The following PPP1R12A variants were observed in gnomAD, a reference collection of about 807,000 sequenced individuals.
PPP1R12A encodes the protein myosin binding subunit.
Under a neutral mutation model 139.6 loss-of-function variants are expected in PPP1R12A, and 19 were observed. The ratio of observed to expected loss-of-function variants is 0.14; its 90% CI spans 0.09 to 0.20. The LOEUF is 0.20. Ranked by LOEUF, PPP1R12A falls within the 10% of genes least tolerant of loss-of-function variation. PPP1R12A has a pLI of 1.00. For missense variants in PPP1R12A, 925 were observed against 1,211.5 expected, an observed-to-expected ratio of 0.76 and a Z score of 3.51; for synonymous variants, 427 against 420.6, an observed-to-expected ratio of 1.02 and a Z score of -0.19.
chr12:79,777,219 T>C lies in PPP1R12A; in HGVS notation c.3007-1204A>G, dbSNP rs369482244. ...CTCTCTAGTAAAGAACTGTAAATAA[T>C]AGTCATATTTTAAGTCCTAAAATAT... On this transcript the variant is annotated intron_variant, in intron 24 of 24. Coordinates refer to ENST00000450142, the MANE Select transcript of PPP1R12A (RefSeq NM_002480.3). 11 of 926,300 alleles carry C rather than the reference T, an allele frequency of 1.2e-5. No homozygotes were observed. In the African/African-American group the frequency reaches 1.3e-4, roughly 11 times the overall value. The allele number at this position is 926,300 out of a possible 1,614,324, so 57.4% of individuals were successfully genotyped here.
intron 2 of PPP1R12A, among the ~76,000 whole-genome samples, chr12:79,863,123 C>T (rs1359494044): frequency 6.6e-6 from 1 of 152,142 alleles, no homozygotes; most frequent in African/African-American, 2.4e-5. Flanking sequence ...GATCTCTTGG[C>T]AGAAACCCTA....
intron 3 of PPP1R12A, among the ~76,000 whole-genome samples, chr12:79,833,945 T>C (rs1877772997): frequency 1.3e-5 from 2 of 151,188 alleles, no homozygotes; most frequent in African/African-American, 4.9e-5. Context: ...CACACACACA[T>C]TTCCTCAGCT....
intron 23 of PPP1R12A, chr12:79,779,017 C>G (rs1870087971): frequency 4.1e-6 from 1 of 244,974 alleles, no homozygotes. Context: ...TTTGCAATTT[C>G]AGAGGAATGT....
intron 9 of PPP1R12A, among the ~76,000 whole-genome samples, chr12:79,815,605 A>T (rs1463481675): frequency 6.6e-6 from 1 of 152,218 alleles, no homozygotes; most frequent in Non-Finnish European, 1.5e-5. Flanking sequence ...TAGTCTAAAC[A>T]GATCAAAAGA....
At chr12:79,895,319 C>T (rs1885033615) in intron 1 of PPP1R12A, among the ~76,000 whole-genome samples, 1 of 151,382 alleles carries the variant, frequency 6.6e-6, no homozygotes, top group Non-Finnish European at 1.5e-5. Context: ...TTTCAGGGTT[C>T]CTGGAAAAAA....
chr12:79,824,160 C>T (rs543578917), intron 5 of PPP1R12A, among the ~76,000 whole-genome samples: 1 of 152,288 alleles, frequency 6.6e-6, no homozygotes, highest in African/African-American at 2.4e-5. Context: ...AATCAAATAA[C>T]TGGCTCAAAA....
chr12:79,873,802 C>A (rs980632821), intron 1 of PPP1R12A, among the ~76,000 whole-genome samples: 2 of 152,122 alleles, frequency 1.3e-5, no homozygotes, highest in Non-Finnish European at 1.5e-5. Context: ...TGTTAAAGCA[C>A]CTCTTCCAAG....
intron 4 of PPP1R12A, among the ~76,000 whole-genome samples, chr12:79,828,671 T>TA (rs2137141062): frequency 6.6e-6 from 1 of 152,268 alleles, no homozygotes; most frequent in South Asian, 2.1e-4. Flanking sequence ...GTCATTGCCA[T>TA]AATAATGCAG....
Position 79,775,207 on chromosome 12 carries a change from T to A in PPP1R12A, c.*722A>T, listed in dbSNP as rs1869601692. On this transcript the variant is annotated 3_prime_UTR_variant, in exon 25 of 25. Transcript: ENST00000450142. ...TGACCAATGAAGCAGAAAATAGGAATTAAAAGATCTAACCTCAAATGACTT... is the reference window on the plus strand; with the variant it reads ...TGACCAATGAAGCAGAAAATAGGAAATAAAAGATCTAACCTCAAATGACTT... 6.6e-6 allele frequency: 1 copy of A among 152,494 alleles called. No individual in the cohort carries two copies. The highest frequency in any genetic ancestry group is 1.9e-4 in the East Asian group (1 of 5,176). 9.4% of individuals were successfully genotyped at this position (152,494 alleles called of 1,614,324 possible). A position where few individuals can be genotyped will look rare whatever the true frequency, so the allele number is the denominator to read the frequency against.
intron 2 of PPP1R12A, 64 bp from the exon 3 acceptor site, chr12:79,845,484 T>A: frequency 8.5e-7 from 1 of 1,177,994 alleles, no homozygotes; most frequent in Non-Finnish European, 1.2e-6. Context: ...ACTAAATGCA[T>A]AACCAATGAG....
At chr12:79,822,657 G>T (rs1876258843) in intron 5 of PPP1R12A, among the ~76,000 whole-genome samples, 1 of 152,086 alleles carries the variant, frequency 6.6e-6, no homozygotes, top group Non-Finnish European at 1.5e-5. Context: ...TGGAATCATA[G>T]AATATATGGT....
At chr12:79,789,386 C>T (rs946232810) in intron 20 of PPP1R12A, among the ~76,000 whole-genome samples, 1 of 152,120 alleles carries the variant, frequency 6.6e-6, no homozygotes, top group East Asian at 1.9e-4. Context: ...AAATGGCTTA[C>T]AATTGATGAT....
At chr12:79,878,150 A>G (rs952734731) in intron 1 of PPP1R12A, among the ~76,000 whole-genome samples, 12 of 151,990 alleles carry the variant, frequency 7.9e-5, no homozygotes, top group African/African-American at 2.9e-4. Context: ...AATTTCACTT[A>G]ATTGTATACT....
Position 79,790,486 on chromosome 12 carries a change from GGAAA to G in PPP1R12A, c.2650-7_2650-4del, listed in dbSNP as rs774431960. 21 of 1,374,930 alleles carry G rather than the reference GGAAA, an allele frequency of 1.5e-5. No homozygotes were observed. Among genetic ancestry groups the G allele is most frequent in the African/African-American group, 4.4e-5 (3 of 67,738 alleles). The allele number at this position is 1,374,930 out of a possible 1,614,324, so 85.2% of individuals were successfully genotyped here. A position where few individuals can be genotyped will look rare whatever the true frequency, so the allele number is the denominator to read the frequency against. On this transcript the variant is annotated splice_region_variant and splice_polypyrimidine_tract_variant and intron_variant, in intron 19 of 24. Transcript: ENST00000450142. ...ACATACCTAGAAATGGAATCCGTCT[GGAAA>G]GAAAGAGAAAAACATAGGCATACTA...
At position 79,797,321 on chromosome 12, in the gene PPP1R12A, T is replaced by A. The variant is rs749084000; in HGVS notation, c.2166A>T (p.Gln722His). 14 of 1,599,558 alleles carry A rather than the reference T, an allele frequency of 8.8e-6. No homozygotes were observed. Among genetic ancestry groups the A allele is most frequent in the Admixed American group, 6.9e-5 (4 of 58,030 alleles). Residue 722 changes from glutamine to histidine, a missense_variant, in exon 16 of 25, where the codon CAA becomes CAT. Around this residue, in one of 4 missense-constraint regions of PPP1R12A, gnomAD observed 315 missense variants for 363.4 expected, o/e 0.87. Coordinates refer to ENST00000450142, the MANE Select transcript of PPP1R12A (RefSeq NM_002480.3). ...GRSRSTRTRE[Q>H]ENEEKEKEEK... The stretch of plus-strand genomic sequence containing the variant: ...CCTCTTTTTCTTTTTCTTCATTTTC[T>A]TGTTCTCTGGTTCGGGTAGAACGAC...
At chr12:79,860,626 CT>C (rs1182572810) in intron 2 of PPP1R12A, among the ~76,000 whole-genome samples, 2 of 152,054 alleles carry the variant, frequency 1.3e-5, no homozygotes, top group Non-Finnish European at 2.9e-5. Flanking sequence ...GTTTTTTAAA[CT>C]TTTTTTATAG....
chr12:79,793,553 G>A (rs1333839163), intron 19 of PPP1R12A, among the ~76,000 whole-genome samples: 1 of 152,000 alleles, frequency 6.6e-6, no homozygotes, highest in Admixed American at 6.6e-5. Context: ...AACTCCGAAG[G>A]TTAAATGACA....
intron 24 of PPP1R12A, 41 bp from the exon 25 acceptor site, chr12:79,776,056 A>G (rs971160742): frequency 1.7e-6 from 2 of 1,169,504 alleles, no homozygotes; most frequent in Non-Finnish European, 2.4e-6. Flanking sequence ...TACCTTCAAT[A>G]TTAAAAGATA....
intron 22 of PPP1R12A, among the ~76,000 whole-genome samples, chr12:79,785,655 C>T (rs1468490479): frequency 1.3e-5 from 2 of 152,072 alleles, no homozygotes; most frequent in Non-Finnish European, 2.9e-5. Context: ...TACAGGATGC[C>T]TTAGAGCCTT....
Sources: allele counts gnomAD v4.1 joint callset (sites outside exome capture counted in the v4.1 genomes callset), GRCh38; gene constraint gnomAD v4.1.1; regional missense constraint gnomAD v4.1.1; transcripts MANE v1.5; gene names NCBI Gene and HGNC (gene_info 2026-07-23, HGNC 2026-07-21).